CHST11: variants seen among roughly 807,000 people sequenced by gnomAD.
The protein encoded by CHST11 is carbohydrate sulfotransferase 11.
A neutral mutation model predicts 30.4 loss-of-function variants in CHST11; 9 were observed. That is an observed-to-expected ratio of 0.30 (90% confidence interval 0.18 to 0.52). The LOEUF (loss-of-function observed/expected upper bound fraction) is 0.52. Among genes scored for constraint, CHST11 ranks in the 20% least tolerant of loss-of-function variants. CHST11 has a pLI of 0.97. For missense variants in CHST11, 348 were observed against 460.6 expected (o/e 0.76, Z 2.24); for synonymous variants, 152 against 187.8 (o/e 0.81, Z 1.56).
At chr12:104,526,592 G>C (rs1430889111) in intron 1 of CHST11, among the ~76,000 whole-genome samples, 1 of 152,192 alleles carries the variant, frequency 6.6e-6, no homozygotes. Flanking sequence ...GTTAGAGGGG[G>C]CTTGATGGGC....
At chr12:104,528,433 C>T (rs533172608) in intron 1 of CHST11, among the ~76,000 whole-genome samples, 18 of 152,260 alleles carry the variant, frequency 1.2e-4, no homozygotes, top group Non-Finnish European at 2.1e-4. Context: ...ATGAAACTGG[C>T]GAGCAAATGA....
intron 2 of CHST11, among the ~76,000 whole-genome samples, chr12:104,699,176 T>C (rs964359618): frequency 1.3e-5 from 2 of 152,218 alleles, no homozygotes; most frequent in Non-Finnish European, 2.9e-5. Context: ...TGTATTTTTG[T>C]AGATGTTCCC....
At chr12:104,512,312 C>G (rs1009872266) in intron 1 of CHST11, among the ~76,000 whole-genome samples, 2 of 152,148 alleles carry the variant, frequency 1.3e-5, no homozygotes, top group Non-Finnish European at 2.9e-5. Context: ...CAAATGCATT[C>G]TAGTTAGTAG....
chr12:104,518,801 A>T (rs2038049253), intron 1 of CHST11, among the ~76,000 whole-genome samples: 1 of 152,056 alleles, frequency 6.6e-6, no homozygotes, highest in Non-Finnish European at 1.5e-5. Context: ...GGGAGGATTT[A>T]TTTTTTATCT....
rs1039005602 is a variant in CHST11 at position 104,757,564 on chromosome 12, G to C, written c.820G>C (p.Asp274His). The part of the protein sequence containing the change: ...SLCHPCHIHY[D>H]LVGKYETLEE... ...CTGCCATCCCTGCCACATCCACTAT[G>C]ACCTCGTGGGCAAGTACGAGACACT... Residue 274 changes from aspartate to histidine, a missense_variant, in exon 3 of 3, where the codon GAC becomes CAC. Coordinates refer to ENST00000303694, the MANE Select transcript of CHST11 (RefSeq NM_018413.6). This position sits in a 1 kb window ranked among gnomAD's most constrained non-coding sequence, Gnocchi z 6.5. The C allele has an allele frequency of 6.2e-7, 1 of 1,614,126 alleles. No homozygotes were observed. The highest frequency in any genetic ancestry group is 1.1e-5 in the South Asian group (1 of 91,076).
At chr12:104,469,391 G>A (rs551125411) in intron 1 of CHST11, among the ~76,000 whole-genome samples, 39 of 152,258 alleles carry the variant, frequency 2.6e-4, no homozygotes, top group African/African-American at 9.2e-4. Context: ...TACTCCTCAG[G>A]TTCCCATTAG....
chr12:104,597,021 A>G (rs558040886), intron 1 of CHST11, among the ~76,000 whole-genome samples: 2 of 152,272 alleles, frequency 1.3e-5, no homozygotes, highest in African/African-American at 2.4e-5. Context: ...ACAATCCAGC[A>G]TCTCCCCTGC....
At position 104,458,545 on chromosome 12, in the gene CHST11, C is replaced by T. The variant is rs1472908444; in HGVS notation, c.118+1016C>T. 1.3e-5 allele frequency among the ~76,000 whole-genome samples: 2 copies of T among 152,218 alleles called. No homozygotes were observed. The highest frequency in any genetic ancestry group is 3.9e-4 in the East Asian group (2 of 5,176). On this transcript the variant is annotated intron_variant, in intron 1 of 2. Coordinates refer to ENST00000303694, the MANE Select transcript of CHST11 (RefSeq NM_018413.6). This position sits in a 1 kb window ranked among gnomAD's most constrained non-coding sequence, Gnocchi z 5.7. ...GAGCGCGGCGGCCGGGGGTGAGCAG[C>T]TCGGCTGCGAAGCCCAACAGGTAGA...
chr12:104,703,749 G>A (rs1435821039), intron 2 of CHST11, among the ~76,000 whole-genome samples: 2 of 152,222 alleles, frequency 1.3e-5, no homozygotes, highest in Non-Finnish European at 1.5e-5. Context: ...GCATGTACCA[G>A]GCACATGCTA....
At chr12:104,516,795 A>C (rs1354996902) in intron 1 of CHST11, among the ~76,000 whole-genome samples, 2 of 151,890 alleles carry the variant, frequency 1.3e-5, no homozygotes, top group Admixed American at 1.3e-4. Flanking sequence ...CAGGGCACCA[A>C]GCAGAAGGGG....
chr12:104,681,439 G>A (rs2039794141), intron 2 of CHST11, among the ~76,000 whole-genome samples: 1 of 152,132 alleles, frequency 6.6e-6, no homozygotes, highest in Non-Finnish European at 1.5e-5. Context: ...CTTAGAAAGG[G>A]CATAGACAGA....
intron 1 of CHST11, among the ~76,000 whole-genome samples, chr12:104,557,714 G>T (rs1237287765): frequency 2.6e-5 from 4 of 152,102 alleles, no homozygotes; most frequent in African/African-American, 9.7e-5. Flanking sequence ...AGGAGCAAGA[G>T]CATGGTGGGA....
chr12:104,475,283 G>C (rs1482496455), intron 1 of CHST11, among the ~76,000 whole-genome samples: 2 of 151,974 alleles, frequency 1.3e-5, no homozygotes, highest in African/African-American at 4.8e-5. Context: ...CAAATAACTT[G>C]CAATTTAGCA....
intron 1 of CHST11, among the ~76,000 whole-genome samples, chr12:104,520,086 G>A (rs745368980): frequency 1.4e-4 from 21 of 152,168 alleles, no homozygotes; most frequent in African/African-American, 1.9e-4. Flanking sequence ...AGTTGCTGGC[G>A]TCGGAACTGA....
At chr12:104,721,145 C>T (rs902877459) in intron 2 of CHST11, among the ~76,000 whole-genome samples, 3 of 152,230 alleles carry the variant, frequency 2.0e-5, no homozygotes, top group Admixed American at 1.3e-4. Context: ...ACCCTAAAGC[C>T]AGAAGCTGGG....
chr12:104,525,102 CT>C (rs2038111302), intron 1 of CHST11, among the ~76,000 whole-genome samples: 1 of 121,374 alleles, frequency 8.2e-6, no homozygotes, highest in African/African-American at 3.2e-5. Flanking sequence ...TTCCTTTTTT[CT>C]TTCTTTTTTT....
rs114330694 is a variant in CHST11, at chr12:104,706,559, A to G, written c.205-50390A>G. On this transcript the variant is annotated intron_variant, in intron 2 of 2. Coordinates refer to ENST00000303694, the MANE Select transcript of CHST11 (RefSeq NM_018413.6). ...AAGCGACCCCCTGGCAGTGAGGGAGATGACCCTACCTACACCAGGAGACAT... is the reference window on the plus strand; with the variant it reads ...AAGCGACCCCCTGGCAGTGAGGGAGGTGACCCTACCTACACCAGGAGACAT... Among the ~76,000 whole-genome samples, 429 of 152,034 alleles carry G rather than the reference A, an allele frequency of 2.8e-3. 2 individuals carry two copies. The highest frequency in any genetic ancestry group is 1.0e-2 in the African/African-American group (413 of 41,428).
At chr12:104,574,260 G>T (rs1347373745) in intron 1 of CHST11, among the ~76,000 whole-genome samples, 3 of 152,150 alleles carry the variant, frequency 2.0e-5, no homozygotes, top group East Asian at 1.9e-4. Context: ...TACACTGTTG[G>T]TGGGAGTGTA....
At chr12:104,670,900 A>G (rs12313211) in intron 2 of CHST11, among the ~76,000 whole-genome samples, 9,201 of 152,000 alleles carry the variant, frequency 0.061, 691 homozygotes, top group African/African-American at 0.18. Context: ...ACATACATAC[A>G]TGCACATACA....
Sources: gnomAD v4.1 joint callset for allele counts (sites outside exome capture counted in the v4.1 genomes callset) on GRCh38, gnomAD v4.1.1 for gene constraint, Gnocchi (gnomAD v3.1) non-coding constraint, MANE v1.5 for transcripts, NCBI Gene and HGNC (gene_info 2026-07-23, HGNC 2026-07-21) for gene names.